Variants in RPS6KC1 observed in about 807,000 individuals in gnomAD.
RPS6KC1 encodes the protein inactive ribosomal protein S6 kinase delta-1.
Under a neutral mutation model 103.8 loss-of-function variants are expected in RPS6KC1, and 54 were observed. The ratio of observed to expected loss-of-function variants is 0.52; its 90% CI spans 0.42 to 0.65. The LOEUF is 0.65. RPS6KC1 is among the 30% of genes least tolerant of loss of function. RPS6KC1 has a pLI of 0.00. For synonymous variants in RPS6KC1, 439 were observed against 438.7 expected (o/e 1.00, Z -0.01); for missense variants, 1,151 against 1,253.8 (o/e 0.92, Z 1.24).
At chr1:213,316,016 T>A in the RPS6KC1 span, among the ~76,000 whole-genome samples, 7 of 152,228 alleles carry the variant, frequency 4.6e-5, no homozygotes, top group African/African-American at 1.4e-4. Context: ...ATCATCAGGC[T>A]CTGTGTACCC....
At chr1:213,691,481 G>C in the RPS6KC1 span, among the ~76,000 whole-genome samples, 1 of 151,924 alleles carries the variant, frequency 6.6e-6, no homozygotes. Context: ...AATATTTCAG[G>C]CAAGATTTTC....
the RPS6KC1 span, among the ~76,000 whole-genome samples, chr1:213,622,604 T>C: frequency 6.6e-6 from 1 of 151,980 alleles, no homozygotes; most frequent in African/African-American, 2.4e-5. Flanking sequence ...TCCTTGACAC[T>C]CTCTCTGAAT....
At chr1:213,781,575 G>A in the RPS6KC1 span, among the ~76,000 whole-genome samples, 1,131 of 152,254 alleles carry the variant, frequency 7.4e-3, 13 homozygotes, top group South Asian at 0.046. Flanking sequence ...AATATGATCC[G>A]TTAAGAGAAT....
chr1:213,179,489 T>C (rs1463788885), intron 8 of RPS6KC1, among the ~76,000 whole-genome samples: 3 of 152,184 alleles, frequency 2.0e-5, no homozygotes, highest in Non-Finnish European at 4.4e-5. Flanking sequence ...TAAGTTACTT[T>C]CTGTTGTACT....
At chr1:213,248,700 G>A (rs1407293203) in intron 12 of RPS6KC1, among the ~76,000 whole-genome samples, 1 of 152,210 alleles carries the variant, frequency 6.6e-6, no homozygotes, top group Non-Finnish European at 1.5e-5. Flanking sequence ...CCATGGGCCA[G>A]TCACCATCAC....
At chr1:213,409,594 G>A in the RPS6KC1 span, among the ~76,000 whole-genome samples, 1 of 152,178 alleles carries the variant, frequency 6.6e-6, no homozygotes, top group Non-Finnish European at 1.5e-5. Context: ...ATGTGGACCT[G>A]AATAAGAAAA....
the RPS6KC1 span, among the ~76,000 whole-genome samples, chr1:213,363,836 CT>C: frequency 2.9e-5 from 1 of 34,156 alleles, no homozygotes; most frequent in East Asian, 8.5e-4. Flanking sequence ...TTTTTTTTTT[CT>C]GGTGGCGTGA....
chr1:213,100,421 A>G (rs564455534), intron 3 of RPS6KC1, among the ~76,000 whole-genome samples: 7 of 152,274 alleles, frequency 4.6e-5, no homozygotes, highest in Admixed American at 4.6e-4. Context: ...TATTATTATC[A>G]GGAAATGGGA....
chr1:213,391,550 T>A, the RPS6KC1 span, among the ~76,000 whole-genome samples: 1 of 152,212 alleles, frequency 6.6e-6, no homozygotes, highest in Non-Finnish European at 1.5e-5. Context: ...TTCAGACCTG[T>A]CTGGTAGGCC....
At position 213,137,599 on chromosome 1, in the gene RPS6KC1, C is replaced by T. The variant is rs553822176; in HGVS notation, c.835+7710C>T. ...CTGCCCACCTTGGCCTCCCAAAGCG[C>T]CAGGATTAGAGGCGTGAGCCACCGT... On this transcript the variant is annotated intron_variant, in intron 6 of 14. Coordinates refer to ENST00000366960, the MANE Select transcript of RPS6KC1 (RefSeq NM_012424.6). Among the ~76,000 whole-genome samples the T allele has an allele frequency of 3.3e-5, 5 of 151,572 alleles. No individual in the cohort carries two copies. The East Asian group carries it at 9.7e-4, about 29-fold the overall frequency.
the RPS6KC1 span, among the ~76,000 whole-genome samples, chr1:213,343,440 T>TATATATACACACAC: frequency 1.2e-5 from 1 of 80,382 alleles, no homozygotes; most frequent in Non-Finnish European, 2.5e-5. Context: ...TATATATATA[T>TATATATACACACAC]ACATACCATG....
intron 9 of RPS6KC1, 36 bp from the exon 10 acceptor site, chr1:213,232,078 GAGGATGCAA>G: frequency 2.5e-5 from 4 of 159,040 alleles, no homozygotes; most frequent in Non-Finnish European, 3.7e-5. Context: ...AAAGGCAACT[GAGGATGCAA>G]CTGAGGATAC....
chr1:213,094,138 T>C (rs2081245711), intron 3 of RPS6KC1, among the ~76,000 whole-genome samples: 3 of 151,974 alleles, frequency 2.0e-5, no homozygotes, highest in Non-Finnish European at 1.5e-5. Context: ...TACGTTTTTT[T>C]CCAAATTCAT....
the RPS6KC1 span, among the ~76,000 whole-genome samples, chr1:213,375,458 T>C: frequency 2.6e-5 from 4 of 152,220 alleles, no homozygotes; most frequent in African/African-American, 9.7e-5. Flanking sequence ...AGGTGAATGC[T>C]GAATGCCAGA....
intron 12 of RPS6KC1, among the ~76,000 whole-genome samples, chr1:213,248,291 T>C (rs577646744): frequency 3.8e-4 from 58 of 152,312 alleles, no homozygotes; most frequent in South Asian, 8.3e-4. Flanking sequence ...TTAAATATTA[T>C]GTTTCAGACA....
chr1:213,725,426 C>G, the RPS6KC1 span, among the ~76,000 whole-genome samples: 3 of 152,234 alleles, frequency 2.0e-5, no homozygotes, highest in Non-Finnish European at 4.4e-5. Context: ...CGGCAGCCAG[C>G]AGATGCCCAG....
At chr1:213,810,961 C>T in the RPS6KC1 span, among the ~76,000 whole-genome samples, 2,951 of 152,284 alleles carry the variant, frequency 0.019, 116 homozygotes, top group African/African-American at 0.067. Flanking sequence ...ATGGGGTTTA[C>T]TTCCATGGGC....
the RPS6KC1 span, among the ~76,000 whole-genome samples, chr1:213,550,187 G>C: frequency 6.6e-6 from 1 of 152,304 alleles, no homozygotes; most frequent in South Asian, 2.1e-4. Context: ...GCAATGGGAG[G>C]CACAAGCATA....
chr1:213,109,932 C>T (rs1200524741), intron 4 of RPS6KC1, among the ~76,000 whole-genome samples: 1 of 151,534 alleles, frequency 6.6e-6, no homozygotes, highest in African/African-American at 2.4e-5. Context: ...GTAGTTCATT[C>T]CTTATTATGG....
Sources: allele counts gnomAD v4.1 joint callset (sites outside exome capture counted in the v4.1 genomes callset), GRCh38; gene constraint gnomAD v4.1.1; transcripts MANE v1.5; gene names NCBI Gene and HGNC (gene_info 2026-07-23, HGNC 2026-07-21).